The following JAKMIP1 variants were observed in gnomAD, a reference collection of about 807,000 sequenced individuals.
The protein encoded by JAKMIP1 is janus kinase and microtubule-interacting protein 1.
A neutral mutation model predicts 113.0 loss-of-function variants in JAKMIP1; 33 were observed. The observed-to-expected ratio is 0.29, with a 90% CI of 0.22 to 0.39. The LOEUF is 0.39. Among genes scored for constraint, JAKMIP1 ranks in the 10% least tolerant of loss-of-function variants. The pLI is 1.00. For synonymous variants in JAKMIP1, 480 were observed against 459.9 expected (o/e 1.04, Z -0.56); for missense variants, 813 against 1,080.5 (o/e 0.75, Z 3.47).
rs1474872268 is a variant in JAKMIP1, at chr4:6,156,620, C to T, written c.-147-43623G>A. Among the ~76,000 whole-genome samples the T allele has an allele frequency of 6.6e-6, 1 of 152,238 alleles. No homozygotes were observed. The highest frequency in any genetic ancestry group is 1.9e-4 in the East Asian group (1 of 5,198). On this transcript the variant is annotated intron_variant, in intron 1 of 20. Transcript: ENST00000409021. The surrounding 1 kb of genome is among the most constrained non-coding windows in gnomAD (Gnocchi z 5.0). The stretch of plus-strand genomic sequence containing the variant: ...TGAGATGCAACTCAAAGATCTGATG[C>T]ATGTGGAAGGCTTTCATCTGTCTTC...
chr4:6,194,128 C>T lies in JAKMIP1; in HGVS notation c.-148+6125G>A, dbSNP rs34336314. Reference sequence around the variant, plus strand: ...AGACAGAGGGCAGATGGATGGATGCCGGGGCTGGGAGAGGGGAAGTGAGGA... The same window carrying T: ...AGACAGAGGGCAGATGGATGGATGCTGGGGCTGGGAGAGGGGAAGTGAGGA... On this transcript the variant is annotated intron_variant, in intron 1 of 20. Transcript: ENST00000409021. The surrounding 1 kb of genome is among the most constrained non-coding windows in gnomAD (Gnocchi z 7.4). Among the ~76,000 whole-genome samples the T allele has an allele frequency of 2.0e-5, 3 of 151,840 alleles. No homozygotes were observed. The highest frequency in any genetic ancestry group is 2.9e-5 in the Non-Finnish European group (2 of 67,942).
chr4:6,090,576 G>A (rs1721915649), intron 3 of JAKMIP1, among the ~76,000 whole-genome samples: 1 of 152,200 alleles, frequency 6.6e-6, no homozygotes, highest in Admixed American at 6.5e-5. Context: ...TGGGCTCCAG[G>A]ATCACTTTAA....
chr4:6,053,485 C>T (rs1293492497), intron 13 of JAKMIP1, among the ~76,000 whole-genome samples: 1 of 152,194 alleles, frequency 6.6e-6, no homozygotes, highest in Non-Finnish European at 1.5e-5. Context: ...CAAATACATC[C>T]TTCTACCCTG....
intron 3 of JAKMIP1, among the ~76,000 whole-genome samples, chr4:6,098,554 GAAAGAAAGAAAGAAAGAA>G (rs1177986124): frequency 1.7e-4 from 20 of 121,138 alleles, no homozygotes; most frequent in East Asian, 4.0e-4. Flanking sequence ...GAAAAAGAAA[GAAAGAAAGAAAGAAAGAA>G]AGAAAGAAAG....
intron 1 of JAKMIP1, among the ~76,000 whole-genome samples, chr4:6,170,444 T>TCCATCA: frequency 5.3e-4 from 1 of 1,886 alleles, no homozygotes; most frequent in East Asian, 0.019. Context: ...CACCACCACC[T>TCCATCA]CCATCACCAT....
In JAKMIP1 at chr4:6,180,786, C is replaced by T. The variant is rs868669396; in HGVS notation, c.-148+19467G>A. ...TCAGTGACATTTAATTTTCTGTCAACGTGCTTTGTTCTCAGAGGGCCATGG... is the reference window on the plus strand; with the variant it reads ...TCAGTGACATTTAATTTTCTGTCAATGTGCTTTGTTCTCAGAGGGCCATGG... On this transcript the variant is annotated intron_variant, in intron 1 of 20. Coordinates refer to ENST00000409021, the MANE Select transcript of JAKMIP1 (RefSeq NM_001099433.2). This position sits in a 1 kb window ranked among gnomAD's most constrained non-coding sequence, Gnocchi z 4.5. 2.0e-5 allele frequency among the ~76,000 whole-genome samples: 3 copies of T among 152,034 alleles called. No individual in the cohort carries two copies. The highest frequency in any genetic ancestry group is 4.4e-5 in the Non-Finnish European group (3 of 68,006).
intron 18 of JAKMIP1, among the ~76,000 whole-genome samples, chr4:6,039,518 C>T (rs1714033362): frequency 6.6e-6 from 1 of 152,064 alleles, no homozygotes; most frequent in Non-Finnish European, 1.5e-5. Flanking sequence ...CGGGGATGGC[C>T]CAGCCTGCAG....
intron 3 of JAKMIP1, among the ~76,000 whole-genome samples, chr4:6,087,061 C>T (rs938966598): frequency 2.0e-5 from 3 of 152,292 alleles, no homozygotes; most frequent in Admixed American, 6.5e-5. Context: ...TTATTTGTTG[C>T]GGCAGCTGCA....
In JAKMIP1 at chr4:6,050,968, C is replaced by T. The variant is rs1560111010; in HGVS notation, c.1807-289G>A. 1.3e-5 allele frequency among the ~76,000 whole-genome samples: 2 copies of T among 152,188 alleles called. No individual in the cohort carries two copies. The highest frequency in any genetic ancestry group is 2.4e-5 in the African/African-American group (1 of 41,448). ...TGTGAGATCAAAACCCAGGAAATCA[C>T]AGAATTACAAAATTTAAAAAACACA... On this transcript the variant is annotated intron_variant, in intron 13 of 20. Transcript: ENST00000409021. The surrounding 1 kb of genome is among the most constrained non-coding windows in gnomAD (Gnocchi z 7.4).
At chr4:6,131,173 A>AAAAAAAAAAAAAAAAAAG (rs71173409) in intron 1 of JAKMIP1, among the ~76,000 whole-genome samples, 12 of 95,470 alleles carry the variant, frequency 1.3e-4, no homozygotes, top group African/African-American at 1.9e-4. Context: ...AAAAAAAAAA[A>AAAAAAAAAAAAAAAAAAG]AATATCCCAG....
chr4:6,098,632 A>G (rs1294418289), intron 3 of JAKMIP1, among the ~76,000 whole-genome samples: 28 of 147,580 alleles, frequency 1.9e-4, no homozygotes, highest in Non-Finnish European at 3.1e-4. Flanking sequence ...AAAAAGAAAG[A>G]AAGAAAAGAA....
intron 1 of JAKMIP1, among the ~76,000 whole-genome samples, chr4:6,113,691 T>A (rs1368557405): frequency 6.6e-6 from 1 of 152,228 alleles, no homozygotes; most frequent in Non-Finnish European, 1.5e-5. Context: ...CTGAGCCTAA[T>A]CACCGCCCCA....
At chr4:6,075,907 C>T (rs4689328) in intron 8 of JAKMIP1, among the ~76,000 whole-genome samples, 102,697 of 152,116 alleles carry the variant, frequency 0.68, 34,842 homozygotes, top group Middle Eastern at 0.77. Flanking sequence ...CCAGTTGCAG[C>T]TGCTCATGCC....
chr4:6,169,605 G>A (rs1468023810), intron 1 of JAKMIP1, among the ~76,000 whole-genome samples: 1 of 48,964 alleles, frequency 2.0e-5, no homozygotes, highest in Admixed American at 2.4e-4. Flanking sequence ...CTAGGAAATT[G>A]TGTGTGTGTG....
rs1281785180 is a variant in JAKMIP1 at position 6,050,545 on chromosome 4, G to T, written c.1908+33C>A. The T allele has an allele frequency of 6.8e-7, 1 of 1,479,904 alleles. No individual in the cohort carries two copies. Among genetic ancestry groups the T allele is most frequent in the Admixed American group, 2.0e-5 (1 of 50,580 alleles). 91.7% of individuals were successfully genotyped at this position (1,479,904 alleles called of 1,614,324 possible). A position where few individuals can be genotyped will look rare whatever the true frequency, so the allele number is the denominator to read the frequency against. On this transcript the variant is annotated intron_variant, in intron 14 of 20. Transcript: ENST00000409021. This position sits in a 1 kb window ranked among gnomAD's most constrained non-coding sequence, Gnocchi z 7.4. ...CGGGCACTGAGCGAGCCCTTGGCTG[G>T]CATTCAGCAGAGGCACCCCCCAGGC... is the stretch of plus-strand genomic sequence containing the variant.
At chr4:6,160,540 C>A (rs1722778581) in intron 1 of JAKMIP1, among the ~76,000 whole-genome samples, 1 of 152,112 alleles carries the variant, frequency 6.6e-6, no homozygotes, top group Admixed American at 6.5e-5. Flanking sequence ...CTCCCTGGCC[C>A]TAGACCCCTT....
chr4:6,112,741 A>T lies in JAKMIP1; in HGVS notation c.110T>A (p.Phe37Tyr). 1 of 1,613,832 alleles carries T rather than the reference A, an allele frequency of 6.2e-7. No individual in the cohort carries two copies. The highest frequency in any genetic ancestry group is 8.5e-7 in the Non-Finnish European group (1 of 1,179,942). Residue 37 changes from phenylalanine to tyrosine, a missense_variant, in exon 2 of 21, where the codon TTC (phenylalanine) becomes TAC (tyrosine). Phe to Tyr is a conservative substitution (Grantham distance 22). Around this residue, in one of 2 missense-constraint regions of JAKMIP1, gnomAD observed 540 missense variants for 653.9 expected, o/e 0.83. Coordinates refer to ENST00000409021, the MANE Select transcript of JAKMIP1 (RefSeq NM_001099433.2). ...RAKLTSIQIE[F>Y]QQEKSKVGKL... ...CCCCACCTTGCTTTTTTCCTGCTGG[A>T]ACTCGATCTGAATGCTGGTCAGCTT...
At position 6,098,664 on chromosome 4, in the gene JAKMIP1, A is replaced by G. The variant is rs1001222396; in HGVS notation, c.624+6809T>C. Reference sequence around the variant, plus strand: ...AGAAAGAAAGGAAAGGAAAGGAAGAAAGAGAGAGAAAGAAAGAAAGAAAGA... The same window carrying G: ...AGAAAGAAAGGAAAGGAAAGGAAGAGAGAGAGAGAAAGAAAGAAAGAAAGA... On this transcript the variant is annotated intron_variant, in intron 3 of 20. Transcript: ENST00000409021. Among the ~76,000 whole-genome samples, 296 of 126,276 alleles carry G rather than the reference A, an allele frequency of 2.3e-3. 1 individual carries two copies. The highest frequency in any genetic ancestry group is 8.7e-3 in the African/African-American group (272 of 31,284). The allele number at this position is 126,276 out of a possible 152,430, so 82.8% of individuals were successfully genotyped here.
In JAKMIP1 at chr4:6,085,449, C is replaced by T. The variant is rs762098917; in HGVS notation, c.805G>A (p.Gly269Arg). 94 of 1,613,786 alleles carry T rather than the reference C, an allele frequency of 5.8e-5. No homozygotes were observed. The African/African-American group carries it at 5.9e-4, about 10-fold the overall frequency. ...SPKRELPPGI[G>R]DMVELMGVQD... ...ACGCCCATGAGCTCCACCATGTCCCCGATCCCGGGCGGGAGCTCTCTCTTT... is the reference window on the plus strand; with the variant it reads ...ACGCCCATGAGCTCCACCATGTCCCTGATCCCGGGCGGGAGCTCTCTCTTT... Residue 269 changes from glycine (G) to arginine (R), a missense_variant, in exon 4 of 21, where the codon GGG becomes AGG. Transcript: ENST00000409021.
Sources: gnomAD v4.1 joint callset for allele counts (sites outside exome capture counted in the v4.1 genomes callset) on GRCh38, gnomAD v4.1.1 for gene constraint, gnomAD v4.1.1 regional missense constraint, Gnocchi (gnomAD v3.1) non-coding constraint, MANE v1.5 for transcripts, NCBI Gene and HGNC (gene_info 2026-07-23, HGNC 2026-07-21) for gene names.